DNAJC3: variants seen among roughly 807,000 people sequenced by gnomAD.
DNAJC3 encodes dnaJ homolog subfamily C member 3.
In DNAJC3, 38 loss-of-function variants were observed where a neutral mutation model predicts 68.6. That is an observed-to-expected ratio of 0.55 (90% confidence interval 0.43 to 0.73). DNAJC3 has a LOEUF of 0.73. Ranked by LOEUF, DNAJC3 falls within the 30% of genes least tolerant of loss-of-function variation. The probability of loss-of-function intolerance (pLI) is 0.00; values close to 1 mark genes in which losing one functional copy is unlikely to be tolerated. For synonymous variants in DNAJC3, 203 were observed against 204.0 expected, an observed-to-expected ratio of 1.00 and a Z score of 0.04; for missense variants, 526 against 591.9, an observed-to-expected ratio of 0.89 and a Z score of 1.16.
chr13:95,761,845 TC>T (rs1451675940), intron 7 of DNAJC3, among the ~76,000 whole-genome samples: 1 of 152,052 alleles, frequency 6.6e-6, no homozygotes, highest in African/African-American at 2.4e-5. Flanking sequence ...ACTCAAGTGA[TC>T]CTTCTGCCTC....
At chr13:95,684,742 C>T (rs1383889432) in intron 1 of DNAJC3, among the ~76,000 whole-genome samples, 1 of 152,232 alleles carries the variant, frequency 6.6e-6, no homozygotes, top group Non-Finnish European at 1.5e-5. Context: ...CCTCAGGACA[C>T]TGCTGCCTGC....
intron 4 of DNAJC3, among the ~76,000 whole-genome samples, chr13:95,735,410 T>C (rs1321853507): frequency 5.1e-5 from 6 of 117,472 alleles, no homozygotes; most frequent in African/African-American, 7.3e-5. Flanking sequence ...ACTTCCACAA[T>C]GGTTGAACTA....
At chr13:95,768,882 G>A (rs1418225807) in intron 9 of DNAJC3, among the ~76,000 whole-genome samples, 1 of 152,088 alleles carries the variant, frequency 6.6e-6, no homozygotes, top group Admixed American at 6.6e-5. Context: ...GGCTGAGGCA[G>A]GAGAATCACT....
intron 9 of DNAJC3, among the ~76,000 whole-genome samples, chr13:95,779,119 C>CTTTTTTT (rs142933580): frequency 3.2e-3 from 312 of 97,930 alleles, no homozygotes; most frequent in Non-Finnish European, 4.5e-3. Flanking sequence ...TTTCTTCTTT[C>CTTTTTTT]TTTTTTTTTT....
At chr13:95,756,011 C>G (rs567757990) in intron 4 of DNAJC3, among the ~76,000 whole-genome samples, 1 of 152,042 alleles carries the variant, frequency 6.6e-6, no homozygotes, top group Non-Finnish European at 1.5e-5. Context: ...GCCTCTGTCC[C>G]GAGATTTAGG....
intron 1 of DNAJC3, among the ~76,000 whole-genome samples, chr13:95,708,710 A>C (rs142454341): frequency 9.9e-5 from 15 of 152,144 alleles, no homozygotes; most frequent in Admixed American, 9.2e-4. Context: ...TTTTCACCCA[A>C]CATACTATAT....
chr13:95,789,340 G>A (rs1883696707), intron 11 of DNAJC3, among the ~76,000 whole-genome samples: 3 of 152,086 alleles, frequency 2.0e-5, no homozygotes, highest in Admixed American at 1.3e-4. Flanking sequence ...CCCAGTGTGT[G>A]TTGTTCCCCT....
chr13:95,690,437 T>TC (rs1437454120), intron 1 of DNAJC3, among the ~76,000 whole-genome samples: 6 of 150,992 alleles, frequency 4.0e-5, no homozygotes, highest in Non-Finnish European at 7.4e-5. Context: ...TCCCCACCTT[T>TC]CCCCCCTTTC....
intron 4 of DNAJC3, among the ~76,000 whole-genome samples, chr13:95,743,163 A>T (rs1363082210): frequency 6.6e-6 from 1 of 152,082 alleles, no homozygotes; most frequent in Non-Finnish European, 1.5e-5. Context: ...TCATTCCTGC[A>T]CTCTGTTGAT....
Position 95,766,201 on chromosome 13 carries a change from TAAAG to T in DNAJC3, c.1075+2251_1075+2254del, listed in dbSNP as rs527606247. Among the ~76,000 whole-genome samples, 192 of 152,274 alleles carry T rather than the reference TAAAG, an allele frequency of 1.3e-3. 2 individuals carry two copies. Among genetic ancestry groups the T allele is most frequent in the Middle Eastern group, 6.8e-3 (2 of 294 alleles). On this transcript the variant is annotated intron_variant, in intron 9 of 11. Coordinates refer to ENST00000602402, the MANE Select transcript of DNAJC3 (RefSeq NM_006260.5). ...ATTTAAAGTGATGGCAGGTACATAATAAAGAATGAATAGGTTTAGGTTAGTGAAT... is the reference window on the plus strand; with the variant it reads ...ATTTAAAGTGATGGCAGGTACATAATAATGAATAGGTTTAGGTTAGTGAAT...
intron 4 of DNAJC3, among the ~76,000 whole-genome samples, chr13:95,726,928 A>G (rs1372980845): frequency 6.6e-6 from 1 of 152,218 alleles, no homozygotes; most frequent in Non-Finnish European, 1.5e-5. Flanking sequence ...ATTAGATTTA[A>G]TTGTATTGGA....
In DNAJC3 at chr13:95,677,267, C is replaced by A. The variant is rs1430135289; in HGVS notation, c.12C>A (p.Pro4=). The change falls in exon 1 of 12, where the codon CCC becomes CCA. Residue 4 remains proline, a synonymous_variant. Transcript: ENST00000602402. ...GCGAGCCCTCGGACATGGTGGCCCC[C>A]GGCTCCGTGACCAGCCGGCTGGGCT... MVA[P]GSVTSRLGSV... The A allele has an allele frequency of 2.2e-5, 36 of 1,602,976 alleles. No individual in the cohort carries two copies. The highest frequency in any genetic ancestry group is 3.0e-5 in the Non-Finnish European group (35 of 1,175,830).
intron 11 of DNAJC3, among the ~76,000 whole-genome samples, chr13:95,789,041 A>G (rs1389949268): frequency 1.3e-5 from 2 of 152,154 alleles, no homozygotes. Context: ...TGAACCCCTA[A>G]AGGACAAGTT....
chr13:95,759,932 T>C, intron 5 of DNAJC3, 108 bp from the exon 6 acceptor site: 1 of 1,127,446 alleles, frequency 8.9e-7, no homozygotes, highest in African/African-American at 1.6e-5. Flanking sequence ...ATCACATCAA[T>C]TGAGAATGTT....
intron 5 of DNAJC3, among the ~76,000 whole-genome samples, chr13:95,759,133 G>T (rs1019371247): frequency 3.9e-5 from 6 of 152,208 alleles, no homozygotes; most frequent in Middle Eastern, 3.4e-3. Context: ...ATGAGCTCTT[G>T]GGTTTATGAT....
chr13:95,700,982 A>C (rs950130294), intron 1 of DNAJC3, among the ~76,000 whole-genome samples: 6 of 152,144 alleles, frequency 3.9e-5, no homozygotes, highest in Admixed American at 3.9e-4. Context: ...TTTTTTTTAA[A>C]GCCTCATTAA....
At chr13:95,756,074 C>G (rs1047462642) in intron 4 of DNAJC3, among the ~76,000 whole-genome samples, 2 of 152,132 alleles carry the variant, frequency 1.3e-5, no homozygotes, top group African/African-American at 4.8e-5. Flanking sequence ...AATTAGACTC[C>G]AATGTTTGAG....
At chr13:95,738,172 A>C (rs924731516) in intron 4 of DNAJC3, among the ~76,000 whole-genome samples, 1 of 147,972 alleles carries the variant, frequency 6.8e-6, no homozygotes, top group Admixed American at 6.8e-5. Flanking sequence ...GTTTGATTGC[A>C]CTGTGGTCTG....
chr13:95,692,674 A>AAT (rs1593955305), intron 1 of DNAJC3: 3 of 152,216 alleles, frequency 2.0e-5, no homozygotes, highest in East Asian at 3.9e-4. Flanking sequence ...AGGTGCTATT[A>AAT]CCACCATATT....
Sources: allele counts gnomAD v4.1 joint callset (sites outside exome capture counted in the v4.1 genomes callset), GRCh38; gene constraint gnomAD v4.1.1; transcripts MANE v1.5; gene names NCBI Gene and HGNC (gene_info 2026-07-23, HGNC 2026-07-21).